FYCO1: variants seen among roughly 807,000 people sequenced by gnomAD.
The protein encoded by FYCO1 is FYVE and coiled-coil domain-containing protein 1.
In FYCO1, 122 loss-of-function variants were observed where a neutral mutation model predicts 165.1. The observed-to-expected ratio is 0.74, with a 90% CI of 0.64 to 0.86. FYCO1 has a LOEUF of 0.86. Ranked by LOEUF, FYCO1 falls within the 40% of genes least tolerant of loss-of-function variation. FYCO1 has a pLI of 0.00. For synonymous variants in FYCO1, 648 were observed against 742.5 expected, an observed-to-expected ratio of 0.87 and a Z score of 2.07; for missense variants, 1,702 against 1,810.3, an observed-to-expected ratio of 0.94 and a Z score of 1.09.
At chr3:45,969,856 T>C (rs1215030615) in intron 6 of FYCO1, 91 bp from the exon 7 acceptor site, 2 of 999,246 alleles carry the variant, frequency 2.0e-6, no homozygotes, top group Non-Finnish European at 3.0e-6. Context: ...CAGGTGGTGG[T>C]AGGGGGCTGC....
At chr3:45,932,412 G>A (rs1703678565) in intron 15 of FYCO1, among the ~76,000 whole-genome samples, 2 of 152,234 alleles carry the variant, frequency 1.3e-5, no homozygotes, top group African/African-American at 4.8e-5. Flanking sequence ...GCTCCTTGAG[G>A]AAGGCATGAC....
At chr3:45,931,004 G>T in intron 16 of FYCO1, 67 bp downstream of exon 16, 1 of 1,475,028 alleles carries the variant, frequency 6.8e-7, no homozygotes, top group Non-Finnish European at 9.4e-7. Flanking sequence ...GCCCTGCTTT[G>T]AGAAAGGCCT....
At position 45,968,440 on chromosome 3, in the gene FYCO1, G is replaced by A. The variant is rs1038673958; in HGVS notation, c.894C>T (p.Leu298=). The change falls in exon 8 of 18, where the codon CTC becomes CTT. Residue 298 remains leucine (L), a synonymous_variant. Coordinates refer to ENST00000296137, the MANE Select transcript of FYCO1 (RefSeq NM_024513.4). ...CCTGGGTGACCTCCCACTGCTTCTG[G>A]AGCTCAGCTACCAAGCAAGTGAGGC... ...NVRLTCLVAE[L]QKQWEVTQAT... The A allele has an allele frequency of 1.9e-6, 3 of 1,613,942 alleles. No individual in the cohort carries two copies. The highest frequency in any genetic ancestry group is 1.6e-4 in the Middle Eastern group (1 of 6,062).
At chr3:45,938,385 G>A (rs9875616) in intron 14 of FYCO1, 317,382 of 408,646 alleles carry the variant, frequency 0.78, 124,658 homozygotes, top group East Asian at 0.96. Context: ...CTGTGAATCA[G>A]TTTAGGAGGT....
At chr3:45,943,744 CAT>C (rs1254049105) in intron 14 of FYCO1, among the ~76,000 whole-genome samples, 2 of 152,140 alleles carry the variant, frequency 1.3e-5, no homozygotes, top group African/African-American at 4.8e-5. Context: ...AACTACTGAA[CAT>C]GTTTCCAGGC....
Position 45,954,814 on chromosome 3 carries a change from G to A in FYCO1, c.3944+435C>T, listed in dbSNP as rs1046945448. Among the ~76,000 whole-genome samples the A allele has an allele frequency of 4.6e-5, 7 of 152,206 alleles. No individual in the cohort carries two copies. In the South Asian group the frequency reaches 1.2e-3, roughly 27 times the overall value. ...ATGCAACAGGGGACAGCCACATGAA[G>A]AGGCAGCAAGGGGGCAGATATCTGC... On this transcript the variant is annotated intron_variant, in intron 14 of 17. Coordinates refer to ENST00000296137, the MANE Select transcript of FYCO1 (RefSeq NM_024513.4).
chr3:45,921,850 C>T lies in FYCO1; in HGVS notation c.4362-10G>A. 1 of 1,594,130 alleles carries T rather than the reference C, an allele frequency of 6.3e-7. No homozygotes were observed. On this transcript the variant is annotated splice_polypyrimidine_tract_variant and intron_variant, in intron 17 of 17. Coordinates refer to ENST00000296137, the MANE Select transcript of FYCO1 (RefSeq NM_024513.4). ...CTTTTTAGAGACAAACCTGAGGAAA[C>T]AGAAATGGAAAGGGAGGGTGTTACC... is the stretch of plus-strand genomic sequence containing the variant.
rs776654608 is a variant in FYCO1, at chr3:45,966,916, C to G, written c.2418G>C (p.Gln806His). 4.3e-6 allele frequency: 7 copies of G among 1,613,770 alleles called. No individual in the cohort carries two copies. Among genetic ancestry groups the G allele is most frequent in the Non-Finnish European group, 5.1e-6 (6 of 1,180,034 alleles). The change falls in exon 8 of 18, where the codon CAG becomes CAC. Residue 806 changes from glutamine (Q) to histidine (H), a missense_variant. By Grantham distance (24) the Gln-to-His change is conservative (BLOSUM62 0). Coordinates refer to ENST00000296137, the MANE Select transcript of FYCO1 (RefSeq NM_024513.4). ...TGCTTAGCTGGCTCTGCACCTTGTC[C>G]TGGTCATCCAGGGCTGCCCGCATCT... ...QAKMRAALDDQDKVQSQLSMA... is the reference protein window; with the variant it reads ...QAKMRAALDDHDKVQSQLSMA...
At chr3:45,930,778 C>T (rs368600464) in intron 16 of FYCO1, among the ~76,000 whole-genome samples, 5 of 152,330 alleles carry the variant, frequency 3.3e-5, no homozygotes, top group East Asian at 3.9e-4. Context: ...TTGAGTCATA[C>T]GTCTGTATTC....
At chr3:45,963,817 C>A (rs566456995) in intron 10 of FYCO1, among the ~76,000 whole-genome samples, 21 of 152,310 alleles carry the variant, frequency 1.4e-4, no homozygotes, top group Admixed American at 4.6e-4. Flanking sequence ...GATCTGCTAT[C>A]CACAGATATG....
rs1176127423 is a variant in FYCO1, at chr3:45,967,274, GCCTTCCTTA to G, written c.2051_2059del (p.Val684_Lys686del). On this transcript the variant is annotated inframe_deletion, in exon 8 of 18. Transcript: ENST00000296137. ...CATCTGGGCTTTCATGGCCTCCTTG[GCCTTCCTTA>G]CAGCCAGCAAGCTCGCCTCCATCTG... 2 of 1,613,968 alleles carry G rather than the reference GCCTTCCTTA, an allele frequency of 1.2e-6. No homozygotes were observed. The highest frequency in any genetic ancestry group is 2.2e-5 in the South Asian group (2 of 91,086).
chr3:45,961,769 A>G (rs73830667), intron 11 of FYCO1, among the ~76,000 whole-genome samples: 1,714 of 152,320 alleles, frequency 0.011, 40 homozygotes, highest in African/African-American at 0.039. Context: ...GCTGGGTGAC[A>G]GGTACCTGGA....
chr3:45,977,999 G>A (rs1706857216), intron 4 of FYCO1, among the ~76,000 whole-genome samples: 1 of 152,164 alleles, frequency 6.6e-6, no homozygotes, highest in South Asian at 2.1e-4. Context: ...GGGAAGCAGA[G>A]CCTATGCCAG....
intron 13 of FYCO1, among the ~76,000 whole-genome samples, chr3:45,956,102 G>A (rs1055472113): frequency 1.3e-5 from 2 of 152,144 alleles, no homozygotes; most frequent in African/African-American, 2.4e-5. Context: ...TTGGGAAGCC[G>A]GGGTGGGTGG....
intron 14 of FYCO1, among the ~76,000 whole-genome samples, chr3:45,949,098 A>G (rs998476163): frequency 2.6e-5 from 4 of 152,202 alleles, no homozygotes; most frequent in African/African-American, 9.6e-5. Context: ...GGTGTGTGGC[A>G]TACCATGTGC....
chr3:45,958,386 G>A (rs1705478354), intron 13 of FYCO1, 22 bp downstream of exon 13: 1 of 1,602,960 alleles, frequency 6.2e-7, no homozygotes, highest in East Asian at 2.2e-5. Context: ...AACATAGTAG[G>A]CAGTAGTAGC....
At chr3:45,943,131 C>T (rs1704338164) in intron 14 of FYCO1, among the ~76,000 whole-genome samples, 2 of 152,198 alleles carry the variant, frequency 1.3e-5, no homozygotes, top group Non-Finnish European at 2.9e-5. Flanking sequence ...AGCATTGGCC[C>T]AGACCCTAAC....
intron 4 of FYCO1, among the ~76,000 whole-genome samples, chr3:45,976,353 A>C (rs1706756379): frequency 6.6e-6 from 1 of 152,214 alleles, no homozygotes; most frequent in Non-Finnish European, 1.5e-5. Context: ...GTCAGCTGGG[A>C]GCATATAATG....
intron 14 of FYCO1, among the ~76,000 whole-genome samples, chr3:45,938,698 T>C (rs539852474): frequency 6.6e-6 from 1 of 152,356 alleles, no homozygotes; most frequent in East Asian, 1.9e-4. Flanking sequence ...TTCACCATGT[T>C]GGCCAGGATG....
Sources: gnomAD v4.1 joint callset for allele counts (sites outside exome capture counted in the v4.1 genomes callset) on GRCh38, gnomAD v4.1.1 for gene constraint, MANE v1.5 for transcripts, NCBI Gene and HGNC (gene_info 2026-07-23, HGNC 2026-07-21) for gene names.